CMTR1: variants seen among roughly 807,000 people sequenced by gnomAD.
The protein encoded by CMTR1 is cap methyltransferase 1, also known as cap-specific mRNA (nucleoside-2'-O-)-methyltransferase 1.
A neutral mutation model predicts 107.0 loss-of-function variants in CMTR1; 39 were observed. The ratio of observed to expected loss-of-function variants is 0.36; its 90% CI spans 0.28 to 0.48. The LOEUF (loss-of-function observed/expected upper bound fraction) is 0.48, where lower values mean the gene tolerates loss of function less well. CMTR1 is among the 20% of genes least tolerant of loss of function. CMTR1 has a pLI of 0.99. For missense variants in CMTR1, 672 were observed against 1,064.9 expected, an observed-to-expected ratio of 0.63 and a Z score of 5.14; for synonymous variants, 366 against 379.5, an observed-to-expected ratio of 0.96 and a Z score of 0.41.
chr6:37,475,281 C>T, intron 18 of CMTR1, 40 bp from the exon 19 acceptor site: 2 of 1,533,028 alleles, frequency 1.3e-6, no homozygotes, highest in Non-Finnish European at 1.8e-6. Context: ...TGAAGGCTGA[C>T]ACCTGGCAGA....
At chr6:37,444,291 A>G (rs1287916930) in intron 3 of CMTR1, 141 bp downstream of exon 3, 7 of 1,007,830 alleles carry the variant, frequency 6.9e-6, no homozygotes, top group African/African-American at 1.6e-5. Context: ...GCAGAGTGTG[A>G]CCCACTTCTT....
intron 21 of CMTR1, 96 bp downstream of exon 21, chr6:37,477,735 C>CG (rs1320382332): frequency 2.5e-4 from 94 of 373,538 alleles, no homozygotes; most frequent in Non-Finnish European, 3.8e-4. Flanking sequence ...GGGTCGGGGG[C>CG]GGGGGGTGGT....
Position 37,433,341 on chromosome 6 carries a change from C to CT in CMTR1, c.-43_-42insT, listed in dbSNP as rs372142736. The stretch of plus-strand genomic sequence containing the variant: ...GCGGCGACAGTGTCGGCCTGACCCC[C>CT]CCTCCGCTCCCCGGCAGCTCGCTCT... On this transcript the variant is annotated 5_prime_UTR_variant, in exon 1 of 24. Coordinates refer to ENST00000373451, the MANE Select transcript of CMTR1 (RefSeq NM_015050.3). The CT allele has an allele frequency of 1.4e-4, 21 of 152,780 alleles. No homozygotes were observed. The highest frequency in any genetic ancestry group is 4.8e-4 in the African/African-American group (20 of 41,480). 9.5% of individuals were successfully genotyped at this position (152,780 alleles called of 1,614,324 possible). A position where few individuals can be genotyped will look rare whatever the true frequency, so the allele number is the denominator to read the frequency against.
At chr6:37,477,810 C>T (rs1346229341) in intron 21 of CMTR1, among the ~76,000 whole-genome samples, 171 bp downstream of exon 21, 1 of 152,216 alleles carries the variant, frequency 6.6e-6, no homozygotes, top group Non-Finnish European at 1.5e-5. Flanking sequence ...AGTCAAGAGT[C>T]CCCCAGCTGA....
chr6:37,451,776 T>G, intron 5 of CMTR1, 30 bp from the exon 6 acceptor site: 1 of 1,560,652 alleles, frequency 6.4e-7, no homozygotes, highest in Non-Finnish European at 8.8e-7. Flanking sequence ...TCACACGTGG[T>G]CATTACTTAC....
At chr6:37,442,900 CCTTT>C (rs1470475188) in intron 2 of CMTR1, among the ~76,000 whole-genome samples, 1 of 152,186 alleles carries the variant, frequency 6.6e-6, no homozygotes, top group Non-Finnish European at 1.5e-5. Flanking sequence ...GAATCAACAC[CCTTT>C]CTGAGTGGTG....
chr6:37,458,775 A>T lies in CMTR1; in HGVS notation c.941A>T (p.Tyr314Phe). 2 of 1,613,928 alleles carry T rather than the reference A, an allele frequency of 1.2e-6. No homozygotes were observed. Among genetic ancestry groups the T allele is most frequent in the South Asian group, 2.2e-5 (2 of 91,064 alleles). The stretch of plus-strand genomic sequence containing the variant: ...AATGACTTCAAGCTGGAGGACTTCT[A>T]CTCTGCTTCCAGTGAACTCTTCGAA... The part of the protein sequence containing the change: ...GPNDFKLEDF[Y>F]SASSELFEPY... The change falls in exon 9 of 24, where the codon TAC becomes TTC. Residue 314 changes from tyrosine to phenylalanine, a missense_variant. By Grantham distance (22) the Tyr-to-Phe change is conservative. Around this residue, in one of 2 missense-constraint regions of CMTR1, gnomAD observed 583 missense variants for 968.4 expected, o/e 0.60. Coordinates refer to ENST00000373451, the MANE Select transcript of CMTR1 (RefSeq NM_015050.3). The surrounding 1 kb of genome is among the most constrained non-coding windows in gnomAD (Gnocchi z 4.7).
At chr6:37,459,814 T>C in intron 10 of CMTR1, 130 bp downstream of exon 10, 1 of 714,294 alleles carries the variant, frequency 1.4e-6, no homozygotes, top group Non-Finnish European at 2.5e-6. Context: ...TTGTAGAGAA[T>C]GCATTTTTAT....
intron 5 of CMTR1, among the ~76,000 whole-genome samples, chr6:37,451,122 T>C (rs1310455042): frequency 1.3e-5 from 2 of 152,192 alleles, no homozygotes; most frequent in Non-Finnish European, 2.9e-5. Context: ...ACATTAGCCT[T>C]TTAAACTGAA....
chr6:37,456,159 C>T (rs566146269), intron 8 of CMTR1, among the ~76,000 whole-genome samples: 1 of 152,358 alleles, frequency 6.6e-6, no homozygotes, highest in African/African-American at 2.4e-5. Context: ...AGGGCACGGC[C>T]AGTGGCAAGG....
At position 37,481,335 on chromosome 6, in the gene CMTR1, T is replaced by G. The variant is rs1280549329; in HGVS notation, c.*1190T>G. On this transcript the variant is annotated 3_prime_UTR_variant, in exon 24 of 24. Transcript: ENST00000373451. ...GCTGGTTTCCATGGAGATAGGGCAC[T>G]GAGGCTCCCGTGAGGTTGGAATCGA... is the stretch of plus-strand genomic sequence containing the variant. 8.3e-7 allele frequency: 1 copy of G among 1,199,050 alleles called. No individual in the cohort carries two copies. Among genetic ancestry groups the G allele is most frequent in the African/African-American group, 1.6e-5 (1 of 62,800 alleles). 74.3% of individuals were successfully genotyped at this position (1,199,050 alleles called of 1,614,324 possible).
chr6:37,468,056 G>C (rs1425954584), intron 13 of CMTR1, among the ~76,000 whole-genome samples: 1 of 145,306 alleles, frequency 6.9e-6, no homozygotes, highest in Non-Finnish European at 1.5e-5. Context: ...CTGTTTTGTG[G>C]GGGGGGGGAC....
rs1424122215 is a variant in CMTR1, at chr6:37,481,054, G to A, written c.*909G>A. 7.7e-7 allele frequency: 1 copy of A among 1,304,264 alleles called. No individual in the cohort carries two copies. The highest frequency in any genetic ancestry group is 5.5e-5 in the East Asian group (1 of 18,028). The allele number at this position is 1,304,264 out of a possible 1,614,324, so 80.8% of individuals were successfully genotyped here. A position where few individuals can be genotyped will look rare whatever the true frequency, so the allele number is the denominator to read the frequency against. On this transcript the variant is annotated 3_prime_UTR_variant, in exon 24 of 24. Coordinates refer to ENST00000373451, the MANE Select transcript of CMTR1 (RefSeq NM_015050.3). ...TCTGCCATAGCCGCTCTAGGGTCTT[G>A]GCAGAATTCTGAGCTTGAAGTGCAG...
chr6:37,449,694 G>A (rs1478782457), intron 4 of CMTR1, among the ~76,000 whole-genome samples: 1 of 152,164 alleles, frequency 6.6e-6, no homozygotes, highest in African/African-American at 2.4e-5. Flanking sequence ...TTAAGAGGAA[G>A]CACCCATTAG....
intron 6 of CMTR1, among the ~76,000 whole-genome samples, chr6:37,452,582 A>G (rs1302330890): frequency 6.6e-6 from 1 of 152,178 alleles, no homozygotes; most frequent in African/African-American, 2.4e-5. Flanking sequence ...GAAATTGGTC[A>G]GGGGAGTTTG....
intron 13 of CMTR1, among the ~76,000 whole-genome samples, chr6:37,465,199 C>T (rs771253646): frequency 2.4e-4 from 36 of 150,626 alleles, no homozygotes; most frequent in Middle Eastern, 6.8e-3. Flanking sequence ...ACCCGGGAGG[C>T]GAGGTTGCGG....
At chr6:37,456,091 C>G (rs142152202) in intron 8 of CMTR1, among the ~76,000 whole-genome samples, 2 of 152,204 alleles carry the variant, frequency 1.3e-5, no homozygotes, top group Non-Finnish European at 2.9e-5. Context: ...GTGAGGTGTT[C>G]GCATCGATCA....
chr6:37,424,939 CCTCA>C, the CMTR1 span, among the ~76,000 whole-genome samples: 3 of 148,012 alleles, frequency 2.0e-5, no homozygotes, highest in Non-Finnish European at 4.4e-5. Context: ...TTAATTTTTC[CCTCA>C]CTTTTTTTTT....
intron 2 of CMTR1, among the ~76,000 whole-genome samples, chr6:37,442,181 A>G (rs1373532689): frequency 6.6e-6 from 1 of 152,228 alleles, no homozygotes; most frequent in Non-Finnish European, 1.5e-5. Context: ...TCTTTTATAG[A>G]ATAGGTGCTG....
Sources: allele counts gnomAD v4.1 joint callset (sites outside exome capture counted in the v4.1 genomes callset), GRCh38; gene constraint gnomAD v4.1.1; regional missense constraint gnomAD v4.1.1; non-coding constraint Gnocchi (gnomAD v3.1); transcripts MANE v1.5; gene names NCBI Gene and HGNC (gene_info 2026-07-23, HGNC 2026-07-21).